SLC41A2: variants seen among roughly 807,000 people sequenced by gnomAD.
SLC41A2 encodes SLC41A1-like 1.
A neutral mutation model predicts 58.3 loss-of-function variants in SLC41A2; 32 were observed. The ratio of observed to expected loss-of-function variants is 0.55; its 90% confidence interval spans 0.41 to 0.74. SLC41A2 has a LOEUF of 0.74. Ranked by LOEUF, SLC41A2 falls within the 30% of genes least tolerant of loss-of-function variation. The pLI, the probability that SLC41A2 is intolerant of heterozygous loss-of-function variation, is 0.00. For synonymous variants in SLC41A2, 190 were observed against 235.0 expected (o/e 0.81, Z 1.75); for missense variants, 514 against 680.6 (o/e 0.76, Z 2.72).
At chr12:104,898,360 C>T (rs920101667) in intron 3 of SLC41A2, among the ~76,000 whole-genome samples, 1 of 151,986 alleles carries the variant, frequency 6.6e-6, no homozygotes, top group Non-Finnish European at 1.5e-5. Flanking sequence ...ATAAGCAAGA[C>T]TTAGGATTTA....
intron 10 of SLC41A2, among the ~76,000 whole-genome samples, chr12:104,814,982 T>C (rs903788585): frequency 6.6e-6 from 1 of 152,264 alleles, no homozygotes; most frequent in Non-Finnish European, 1.5e-5. Flanking sequence ...AATTGCTCTA[T>C]TCACCTTTGT....
intron 10 of SLC41A2, among the ~76,000 whole-genome samples, chr12:104,817,970 G>A (rs1309382401): frequency 1.3e-5 from 2 of 152,094 alleles, no homozygotes; most frequent in Non-Finnish European, 2.9e-5. Flanking sequence ...TGTTAAAAGA[G>A]TAGATTTTAA....
At chr12:104,886,185 C>A in intron 6 of SLC41A2, 108 bp downstream of exon 6, 1 of 1,125,234 alleles carries the variant, frequency 8.9e-7, no homozygotes, top group South Asian at 1.6e-5. Context: ...GTCTCAACAG[C>A]AGTTCTAATG....
rs1415342230 is a variant in SLC41A2 at position 104,853,910 on chromosome 12, G to GATTATTATTATTATTT, written c.1255+7380_1255+7381insAAATAATAATAATAAT. Reference sequence around the variant, plus strand: ...CGGGTGCATGTCACCATGCCTGGCTGATTTTTTTTTTTTTTTTTTTTTTTT... The same window carrying GATTATTATTATTATTT: ...CGGGTGCATGTCACCATGCCTGGCTGATTATTATTATTATTTATTTTTTTTTTTTTTTTTTTTTTTT... On this transcript the variant is annotated intron_variant, in intron 8 of 10. Coordinates refer to ENST00000258538, the MANE Select transcript of SLC41A2 (RefSeq NM_001352171.3). 2.8e-4 allele frequency among the ~76,000 whole-genome samples: 14 copies of GATTATTATTATTATTT among 50,780 alleles called. 1 individual carries two copies. Among genetic ancestry groups the GATTATTATTATTATTT allele is most frequent in the Admixed American group, 4.8e-4 (2 of 4,144 alleles). 33.3% of individuals were successfully genotyped at this position (50,780 alleles called of 152,430 possible).
intron 10 of SLC41A2, among the ~76,000 whole-genome samples, chr12:104,830,752 G>A (rs1331613258): frequency 6.6e-6 from 1 of 152,042 alleles, no homozygotes; most frequent in Non-Finnish European, 1.5e-5. Flanking sequence ...AAAAACAAGG[G>A]CTTGTCAAAT....
intron 6 of SLC41A2, among the ~76,000 whole-genome samples, chr12:104,874,152 C>A (rs369677320): frequency 6.6e-6 from 1 of 150,472 alleles, no homozygotes; most frequent in Non-Finnish European, 1.5e-5. Context: ...TGGCTCACTG[C>A]AAGCTCTGCC....
intron 10 of SLC41A2, among the ~76,000 whole-genome samples, chr12:104,839,424 T>C (rs928584516): frequency 1.1e-4 from 17 of 152,114 alleles, no homozygotes; most frequent in Admixed American, 3.9e-4. Flanking sequence ...ATAATGAGAT[T>C]TGAATAGTAA....
Position 104,803,049 on chromosome 12 carries a change from G to A in SLC41A2, c.*2103C>T, listed in dbSNP as rs2040754185. On this transcript the variant is annotated 3_prime_UTR_variant, in exon 11 of 11. Coordinates refer to ENST00000258538, the MANE Select transcript of SLC41A2 (RefSeq NM_001352171.3). ...TGATATATTTCACAGGTACTACTGT[G>A]AGTATTAAATGATATTGTGTGTTTG... 1 of 152,084 alleles carries A rather than the reference G, an allele frequency of 6.6e-6. No individual in the cohort carries two copies. The highest frequency in any genetic ancestry group is 2.4e-5 in the African/African-American group (1 of 41,434). 9.4% of individuals were successfully genotyped at this position (152,084 alleles called of 1,614,324 possible).
Position 104,869,126 on chromosome 12 carries a change from A to C in SLC41A2, c.1028-2547T>G, listed in dbSNP as rs117656472. Among the ~76,000 whole-genome samples the C allele has an allele frequency of 9.0e-3, 1,374 of 152,256 alleles. 40 individuals carry two copies. The East Asian group carries it at 0.13, about 14-fold the overall frequency. ...GTGATCCTCCCATCTCAGCCTCCCA[A>C]AGTGCTGGGATTACAGGCATGAGCC... On this transcript the variant is annotated intron_variant, in intron 6 of 10. Transcript: ENST00000258538.
At chr12:104,910,828 A>G (rs757478173) in intron 2 of SLC41A2, among the ~76,000 whole-genome samples, 2 of 152,212 alleles carry the variant, frequency 1.3e-5, no homozygotes, top group Non-Finnish European at 2.9e-5. Context: ...CATATTTTTA[A>G]TGGCCCTGCA....
chr12:104,915,283 A>C (rs2046262536), intron 2 of SLC41A2, among the ~76,000 whole-genome samples: 1 of 152,242 alleles, frequency 6.6e-6, no homozygotes, highest in African/African-American at 2.4e-5. Context: ...AGTTAAAAAA[A>C]CACATACTCC....
At chr12:104,864,284 T>C (rs1177150984) in intron 7 of SLC41A2, among the ~76,000 whole-genome samples, 2 of 152,154 alleles carry the variant, frequency 1.3e-5, no homozygotes, top group East Asian at 1.9e-4. Flanking sequence ...TACAAAGGGG[T>C]AGAGGGGCAG....
intron 2 of SLC41A2, among the ~76,000 whole-genome samples, chr12:104,920,404 G>T (rs369391866): frequency 6.6e-6 from 1 of 151,878 alleles, no homozygotes. Flanking sequence ...ATTTATCAGA[G>T]AAATTTAACA....
intron 8 of SLC41A2, among the ~76,000 whole-genome samples, chr12:104,854,505 G>C (rs1349401334): frequency 3.3e-5 from 5 of 151,798 alleles, no homozygotes; most frequent in African/African-American, 1.2e-4. Context: ...GGAGCTTGCA[G>C]TGAGCCGAGA....
chr12:104,896,974 T>C (rs983257321), intron 3 of SLC41A2, among the ~76,000 whole-genome samples: 1 of 152,176 alleles, frequency 6.6e-6, no homozygotes, highest in African/African-American at 2.4e-5. Flanking sequence ...CTTTCTTTCC[T>C]GCTCCAGGGC....
chr12:104,834,274 A>C, intron 10 of SLC41A2: 1 of 690,606 alleles, frequency 1.4e-6, no homozygotes, highest in Non-Finnish European at 1.8e-6. Flanking sequence ...ACATAACAAA[A>C]ATGCAATCAC....
intron 10 of SLC41A2, among the ~76,000 whole-genome samples, chr12:104,827,084 G>C (rs1345185123): frequency 6.6e-6 from 1 of 152,290 alleles, no homozygotes; most frequent in East Asian, 1.9e-4. Context: ...ATTATACTAA[G>C]TTGTCCATGA....
At chr12:104,864,794 T>C (rs1269147615) in intron 7 of SLC41A2, among the ~76,000 whole-genome samples, 1 of 152,178 alleles carries the variant, frequency 6.6e-6, no homozygotes, top group East Asian at 1.9e-4. Flanking sequence ...TTCTTTTGCA[T>C]TCTGTTCCTA....
At chr12:104,815,462 A>AAAT (rs1424019544) in intron 10 of SLC41A2, among the ~76,000 whole-genome samples, 5 of 152,182 alleles carry the variant, frequency 3.3e-5, no homozygotes, top group African/African-American at 9.7e-5. Context: ...ATAAAGTACA[A>AAAT]AATATATATA....
Sources: gnomAD v4.1 joint callset for allele counts (sites outside exome capture counted in the v4.1 genomes callset) on GRCh38, gnomAD v4.1.1 for gene constraint, MANE v1.5 for transcripts, NCBI Gene and HGNC (gene_info 2026-07-23, HGNC 2026-07-21) for gene names.